HTR4: variants seen among roughly 807,000 people sequenced by gnomAD.
HTR4 encodes 5-hydroxytryptamine (serotonin) receptor 4, G protein-coupled.
HTR4 carries 16 observed loss-of-function variants against 36.8 expected under a neutral mutation model. The observed-to-expected ratio is 0.43, with a 90% confidence interval of 0.29 to 0.66. The LOEUF (loss-of-function observed/expected upper bound fraction) is 0.66, where lower values mean the gene tolerates loss of function less well. Ranked by LOEUF, HTR4 falls within the 30% of genes least tolerant of loss-of-function variation. The probability of loss-of-function intolerance (pLI) is 0.13; values close to 1 mark genes in which losing one functional copy is unlikely to be tolerated. For missense variants in HTR4, 438 were observed against 490.9 expected (o/e 0.89, Z 1.02); for synonymous variants, 189 against 185.1 (o/e 1.02, Z -0.17).
At chr5:148,591,793 AAAAT>A (rs1179588236) in intron 2 of HTR4, among the ~76,000 whole-genome samples, 2 of 152,216 alleles carry the variant, frequency 1.3e-5, no homozygotes, top group Non-Finnish European at 2.9e-5. Flanking sequence ...TAAAAAGTAA[AAAAT>A]AACAGATGCT....
chr5:148,617,200 T>A (rs931535132), intron 2 of HTR4, among the ~76,000 whole-genome samples: 1 of 152,164 alleles, frequency 6.6e-6, no homozygotes, highest in Non-Finnish European at 1.5e-5. Flanking sequence ...TCTCACGAGA[T>A]CTGGTTGTTT....
intron 4 of HTR4, among the ~76,000 whole-genome samples, chr5:148,544,799 G>A (rs1201586419): frequency 6.6e-6 from 1 of 152,166 alleles, no homozygotes; most frequent in Non-Finnish European, 1.5e-5. Flanking sequence ...AGTACTAAAG[G>A]AGTCCTACAT....
intron 1 of HTR4, chr5:148,644,892 T>A (rs1753836891): frequency 6.6e-6 from 1 of 152,164 alleles, no homozygotes; most frequent in East Asian, 1.9e-4. Flanking sequence ...GGTCAGGGGA[T>A]CTGCAGGGAA....
At chr5:148,472,035 A>C (rs79530974), downstream of HTR4, among the ~76,000 whole-genome samples, 896 of 152,292 alleles carry the variant, frequency 5.9e-3, 31 homozygotes, top group East Asian at 0.1. Context: ...ATAGGGTTCC[A>C]CTCACCAGTT....
chr5:148,603,292 C>T (rs7711800), intron 2 of HTR4, among the ~76,000 whole-genome samples: 76,003 of 151,584 alleles, frequency 0.5, 19,173 homozygotes, highest in African/African-American at 0.54. Context: ...AATATTCATA[C>T]CACCACCTCA....
chr5:148,523,198 C>G lies in HTR4; in HGVS notation c.502G>C (p.Asp168His). The change falls in exon 5 of 7, where the codon GAT becomes CAT. Residue 168 changes from aspartate to histidine, a missense_variant. Transcript: ENST00000377888. The stretch of plus-strand genomic sequence containing the variant: ...AGGTCTGTGTGGATACTCACCAAAT[C>G]AATTATGCCAATGTTATTCCAGCCT... ...MQGWNNIGII[D>H]LIEKRKFNQN... 1 of 1,613,190 alleles carries G rather than the reference C, an allele frequency of 6.2e-7. No individual in the cohort carries two copies.
chr5:148,514,418 A>G (rs1377128034), intron 5 of HTR4, among the ~76,000 whole-genome samples: 1 of 152,076 alleles, frequency 6.6e-6, no homozygotes, highest in African/African-American at 2.4e-5. Context: ...TTGCATTACA[A>G]TTCCTGGAAT....
At chr5:148,591,873 T>C (rs11960209) in intron 2 of HTR4, among the ~76,000 whole-genome samples, 8,709 of 152,272 alleles carry the variant, frequency 0.057, 852 homozygotes, top group African/African-American at 0.2. Flanking sequence ...GTTTTGCCAT[T>C]GTGGAAAGCA....
At chr5:148,622,621 C>T (rs771409472) in intron 2 of HTR4, among the ~76,000 whole-genome samples, 82 of 152,258 alleles carry the variant, frequency 5.4e-4, no homozygotes, top group African/African-American at 1.7e-3. Flanking sequence ...TATTTACTAG[C>T]GGTGTGTCTT....
At chr5:148,456,454 G>A (rs983351897) in intron 5 of HTR4, among the ~76,000 whole-genome samples, 3 of 152,046 alleles carry the variant, frequency 2.0e-5, no homozygotes, top group Admixed American at 2.0e-4. Context: ...TCCTCAATTT[G>A]GGAAATATTG....
At position 148,550,244 on chromosome 5, in the gene HTR4, C is replaced by T. The variant is rs749056696; in HGVS notation, c.45G>A (p.Gly15=). ...DANVSSEEGF[G]SVEKVVLLTF... ...TGAGCAGCACCACCTTCTCCACTGA[C>T]CCGAAACCCTCCTCAGAACTGAAAG... The change falls in exon 3 of 7, where the codon GGG becomes GGA. Residue 15 remains glycine (G), a synonymous_variant. Coordinates refer to ENST00000377888, the MANE Select transcript of HTR4 (RefSeq NM_000870.7). The T allele has an allele frequency of 8.7e-6, 14 of 1,613,994 alleles. No individual in the cohort carries two copies. The Admixed American group carries it at 2.0e-4, about 23-fold the overall frequency.
chr5:148,614,910 G>A (rs1288244700), intron 2 of HTR4, among the ~76,000 whole-genome samples: 1 of 151,760 alleles, frequency 6.6e-6, no homozygotes, highest in Non-Finnish European at 1.5e-5. Flanking sequence ...CATTTATGTA[G>A]CCAAAAAACA....
chr5:148,630,793 T>A (rs1464131158), intron 2 of HTR4, among the ~76,000 whole-genome samples: 1 of 152,176 alleles, frequency 6.6e-6, no homozygotes, highest in Admixed American at 6.6e-5. Flanking sequence ...TTCTGAAGAT[T>A]ACCTGTAATC....
At chr5:148,600,348 TA>T (rs200332569) in intron 2 of HTR4, among the ~76,000 whole-genome samples, 6,857 of 128,540 alleles carry the variant, frequency 0.053, 509 homozygotes, top group African/African-American at 0.16. Context: ...TATATATATA[TA>T]TTTTTTTTTC....
intron 5 of HTR4, among the ~76,000 whole-genome samples, 170 bp downstream of exon 5, chr5:148,523,023 A>C (rs1285999663): frequency 6.6e-6 from 1 of 152,112 alleles, no homozygotes; most frequent in South Asian, 2.1e-4. Context: ...TGGGTTAAGG[A>C]GAGGAGTTTT....
In HTR4 at chr5:148,554,982, A is replaced by C. The variant is rs546785398; in HGVS notation, c.27-4720T>G. On this transcript the variant is annotated intron_variant, in intron 2 of 6. Coordinates refer to ENST00000377888, the MANE Select transcript of HTR4 (RefSeq NM_000870.7). ...ATGTTGCTGCAAAGGACATGACCTC[A>C]TTCTCTTTTGGGGCTTAATATCACT... is the stretch of plus-strand genomic sequence containing the variant. 1.2e-4 allele frequency among the ~76,000 whole-genome samples: 19 copies of C among 152,180 alleles called. No individual in the cohort carries two copies. The South Asian group carries it at 3.5e-3, about 28-fold the overall frequency.
At chr5:148,608,066 T>G (rs1752255322) in intron 2 of HTR4, among the ~76,000 whole-genome samples, 1 of 152,166 alleles carries the variant, frequency 6.6e-6, no homozygotes, top group African/African-American at 2.4e-5. Context: ...TTAGGCGGAA[T>G]GAACTATACC....
chr5:148,492,951 G>C (rs1756523547), intron 6 of HTR4, among the ~76,000 whole-genome samples: 1 of 152,164 alleles, frequency 6.6e-6, no homozygotes, highest in African/African-American at 2.4e-5. Flanking sequence ...TGAACAGTAA[G>C]TCTCAATGGA....
intron 6 of HTR4, among the ~76,000 whole-genome samples, chr5:148,505,303 C>T (rs541868458): frequency 6.6e-6 from 1 of 152,234 alleles, no homozygotes; most frequent in Admixed American, 6.5e-5. Context: ...GCAGAAAAGG[C>T]CTTTGACAAA....
Sources: gnomAD v4.1 joint callset for allele counts (sites outside exome capture counted in the v4.1 genomes callset) on GRCh38, gnomAD v4.1.1 for gene constraint, MANE v1.5 for transcripts, NCBI Gene and HGNC (gene_info 2026-07-23, HGNC 2026-07-21) for gene names.